The following TENM2 variants were observed in gnomAD, a reference collection of about 807,000 sequenced individuals.
The protein encoded by TENM2 is teneurin-2.
Under a neutral mutation model 245.2 loss-of-function variants are expected in TENM2, and 52 were observed. That is an observed-to-expected ratio of 0.21 (90% CI 0.17 to 0.27). The LOEUF (loss-of-function observed/expected upper bound fraction) is 0.27. TENM2 is among the 10% of genes least tolerant of loss of function. The pLI is 1.00. For synonymous variants in TENM2, 1,363 were observed against 1,438.9 expected (o/e 0.95, Z 1.19); for missense variants, 3,046 against 3,666.8 (o/e 0.83, Z 4.37).
intron 2 of TENM2, among the ~76,000 whole-genome samples, chr5:167,687,508 C>T (rs895062515): frequency 6.6e-6 from 1 of 152,250 alleles, no homozygotes; most frequent in South Asian, 2.1e-4. Context: ...TATTTCTCTA[C>T]CTACTTAATG....
the TENM2 span, among the ~76,000 whole-genome samples, chr5:167,207,398 T>C: frequency 0.18 from 26,922 of 152,236 alleles, 2,583 homozygotes; most frequent in African/African-American, 0.23. Flanking sequence ...TGAGATCAGA[T>C]GTTCTGATTT....
intron 1 of TENM2, among the ~76,000 whole-genome samples, chr5:167,372,429 C>A (rs935107744): frequency 1.3e-5 from 2 of 152,186 alleles, no homozygotes; most frequent in Admixed American, 1.3e-4. Context: ...CTCCCATGGC[C>A]CTCAGCCCAC....
chr5:167,753,252 G>T (rs1441481456), intron 2 of TENM2, among the ~76,000 whole-genome samples: 2 of 152,166 alleles, frequency 1.3e-5, no homozygotes, highest in South Asian at 2.1e-4. Context: ...AACTTGGAAG[G>T]GTTGGTCTGA....
chr5:168,125,115 A>C, intron 11 of TENM2, 65 bp downstream of exon 13: 2 of 1,360,094 alleles, frequency 1.5e-6, no homozygotes, highest in Non-Finnish European at 2.0e-6. Flanking sequence ...TCCCATTCTC[A>C]GATGGATGGG....
In TENM2 at chr5:167,747,265, AG is replaced by A. The variant is rs549246749; in HGVS notation, c.503-128719del. On this transcript the variant is annotated intron_variant, in intron 2 of 28. Transcript: ENST00000518659. ...TGGTGACTTAGAGTAGGAGGCTGGC[AG>A]GAGAGATGAAGAGAAATAGACATGT... Among the ~76,000 whole-genome samples, 170 of 152,306 alleles carry A rather than the reference AG, an allele frequency of 1.1e-3. 1 individual carries two copies. The highest frequency in any genetic ancestry group is 3.9e-3 in the African/African-American group (163 of 41,584).
intron 2 of TENM2, among the ~76,000 whole-genome samples, chr5:167,764,779 C>A (rs1390190001): frequency 6.6e-6 from 1 of 152,130 alleles, no homozygotes; most frequent in East Asian, 1.9e-4. Context: ...TACTTGCCCA[C>A]GGGGAGCTCT....
chr5:167,493,088 T>C (rs1018957048), intron 2 of TENM2, among the ~76,000 whole-genome samples: 23 of 152,004 alleles, frequency 1.5e-4, no homozygotes, highest in African/African-American at 5.6e-4. Context: ...AAAAGTTAGA[T>C]TTTTTTACCC....
intron 9 of TENM2, among the ~76,000 whole-genome samples, chr5:168,117,781 G>T (rs1299336866): frequency 6.6e-6 from 1 of 152,176 alleles, no homozygotes; most frequent in African/African-American, 2.4e-5. Context: ...AGGAATAAGA[G>T]TCGACTGATC....
chr5:167,954,654 C>A (rs533723210), intron 4 of TENM2, among the ~76,000 whole-genome samples: 1 of 152,230 alleles, frequency 6.6e-6, no homozygotes, highest in Non-Finnish European at 1.5e-5. Flanking sequence ...GTGTGATGTT[C>A]CCCTCCCTGT....
intron 2 of TENM2, among the ~76,000 whole-genome samples, chr5:167,620,726 A>G (rs1433995866): frequency 3.3e-5 from 5 of 152,014 alleles, no homozygotes; most frequent in South Asian, 4.2e-4. Flanking sequence ...CAGAGAAGCA[A>G]TCTTGGGAGG....
At chr5:167,287,029 A>T (rs190166041) in intron 1 of TENM2, among the ~76,000 whole-genome samples, 1 of 152,336 alleles carries the variant, frequency 6.6e-6, no homozygotes, top group Non-Finnish European at 1.5e-5. Context: ...ATGAATTAAA[A>T]ACTGTGCAGG....
At chr5:168,017,531 G>A (rs1210692680) in intron 5 of TENM2, among the ~76,000 whole-genome samples, 6 of 152,164 alleles carry the variant, frequency 3.9e-5, no homozygotes, top group African/African-American at 1.2e-4. Flanking sequence ...TCTGGGTGTG[G>A]CTGGTCAGTC....
At chr5:167,646,227 A>ATATATG (rs1395177476) in intron 2 of TENM2, among the ~76,000 whole-genome samples, 17 of 132,890 alleles carry the variant, frequency 1.3e-4, no homozygotes, top group Admixed American at 1.1e-3. Context: ...ATATATATAT[A>ATATATG]TATGTTGTTT....
chr5:167,900,111 T>TAAAAAAAAAAAAA (rs71853736), intron 3 of TENM2, among the ~76,000 whole-genome samples: 1 of 43,464 alleles, frequency 2.3e-5, no homozygotes, highest in African/African-American at 1.2e-4. Flanking sequence ...CTCAACCCAC[T>TAAAAAAAAAAAAA]AAAAAAAAAA....
At chr5:167,440,041 CCA>C (rs1210196549) in intron 2 of TENM2, among the ~76,000 whole-genome samples, 1 of 152,084 alleles carries the variant, frequency 6.6e-6, no homozygotes, top group Non-Finnish European at 1.5e-5. Flanking sequence ...TCCCAGATTA[CCA>C]CAGTCTGATG....
chr5:167,384,477 C>T (rs979749324), intron 2 of TENM2, among the ~76,000 whole-genome samples: 1 of 152,112 alleles, frequency 6.6e-6, no homozygotes, highest in African/African-American at 2.4e-5. Flanking sequence ...AAAATTCCAA[C>T]TCCAGTCAGG....
rs112901060 is a variant in TENM2 at position 167,763,162 on chromosome 5, C to T, written c.503-112824C>T. ...CTGAAGGCAGCTGGTGCAAGGCTCA[C>T]TGCTTAGAGAAAAATGTGGTCAAAG... On this transcript the variant is annotated intron_variant, in intron 2 of 28. Coordinates refer to ENST00000518659, the Ensembl canonical transcript of TENM2. 2.4e-3 allele frequency among the ~76,000 whole-genome samples: 363 copies of T among 152,318 alleles called. 5 individuals are homozygous for T. Among genetic ancestry groups the T allele is most frequent in the African/African-American group, 8.4e-3 (348 of 41,576 alleles).
intron 7 of TENM2, among the ~76,000 whole-genome samples, chr5:168,068,143 G>A (rs377107131): frequency 5.3e-5 from 8 of 152,138 alleles, no homozygotes; most frequent in East Asian, 1.9e-4. Flanking sequence ...CTCCTGGACA[G>A]CTACTGAGCA....
chr5:167,113,903 A>C, the TENM2 span, among the ~76,000 whole-genome samples: 1 of 152,206 alleles, frequency 6.6e-6, no homozygotes, highest in Non-Finnish European at 1.5e-5. Flanking sequence ...GACAACTGTC[A>C]GTTTTGTTCA....
Sources: gnomAD v4.1 joint callset for allele counts (sites outside exome capture counted in the v4.1 genomes callset) on GRCh38, gnomAD v4.1.1 for gene constraint, MANE v1.5 for transcripts, NCBI Gene and HGNC (gene_info 2026-07-23, HGNC 2026-07-21) for gene names.